DACH2: variants seen among roughly 807,000 people sequenced by gnomAD.
DACH2 encodes the protein dachshund homolog 2.
In DACH2, 17 loss-of-function variants were observed where a neutral mutation model predicts 35.8. The observed-to-expected ratio is 0.48, with a 90% CI of 0.33 to 0.71. DACH2 has a LOEUF of 0.71. Among genes scored for constraint, DACH2 ranks in the 30% least tolerant of loss-of-function variants. The probability of loss-of-function intolerance (pLI) is 0.02; values close to 1 mark genes in which losing one functional copy is unlikely to be tolerated. For missense variants in DACH2, 469 were observed against 472.7 expected (o/e 0.99, Z 0.07); for synonymous variants, 195 against 177.3 (o/e 1.10, Z -0.79).
intron 6 of DACH2, among the ~76,000 whole-genome samples, chrX:86,730,219 C>T (rs1307465770): frequency 2.7e-5 from 3 of 110,818 alleles, no homozygotes; most frequent in Non-Finnish European, 1.9e-5. Context: ...TTATATGATG[C>T]GTAGAATATA....
intron 2 of DACH2, among the ~76,000 whole-genome samples, chrX:86,486,353 C>T (rs779755228): frequency 9.0e-6 from 1 of 110,919 alleles, no homozygotes; most frequent in African/African-American, 3.3e-5. Flanking sequence ...TAATCATTTC[C>T]ATATTTATTT....
At chrX:86,528,888 G>C (rs1437393160) in intron 3 of DACH2, among the ~76,000 whole-genome samples, 2 of 111,926 alleles carry the variant, frequency 1.8e-5, no homozygotes, top group African/African-American at 6.5e-5. Context: ...GACCAAGTCA[G>C]GGTATTCAAG....
intron 1 of DACH2, among the ~76,000 whole-genome samples, chrX:86,210,342 A>G (rs1032551241): frequency 3.6e-5 from 4 of 111,766 alleles, no homozygotes; most frequent in African/African-American, 1.3e-4. Flanking sequence ...TTGTATTAAA[A>G]TGCATGTACT....
intron 6 of DACH2, among the ~76,000 whole-genome samples, chrX:86,735,364 C>T (rs887718495): frequency 9.0e-5 from 10 of 111,532 alleles, no homozygotes; most frequent in African/African-American, 3.2e-4. Context: ...CTGTGTTAAA[C>T]CTTATAAAAA....
At chrX:86,781,729 C>T (rs979879335) in intron 7 of DACH2, among the ~76,000 whole-genome samples, 15 of 111,307 alleles carry the variant, frequency 1.3e-4, no homozygotes, top group African/African-American at 4.9e-4. Flanking sequence ...GCTAGTATCA[C>T]ACTGAAAGGG....
chrX:86,180,018 G>A (rs943392742), intron 1 of DACH2, among the ~76,000 whole-genome samples: 2 of 107,169 alleles, frequency 1.9e-5, no homozygotes, highest in African/African-American at 6.7e-5. Flanking sequence ...GACACTGATT[G>A]TGAAGAGTTT....
At chrX:86,289,963 T>A (rs2034242554) in intron 1 of DACH2, among the ~76,000 whole-genome samples, 1 of 104,277 alleles carries the variant, frequency 9.6e-6, no homozygotes, top group African/African-American at 3.6e-5. Flanking sequence ...GGTCAAATGG[T>A]ATTTCTAGTT....
At chrX:86,464,435 C>T (rs752916491) in intron 2 of DACH2, among the ~76,000 whole-genome samples, 7 of 111,036 alleles carry the variant, frequency 6.3e-5, no homozygotes, top group African/African-American at 1.3e-4. Context: ...AACCAAACAC[C>T]GCATGTTCTC....
At chrX:86,519,464 G>A (rs1009993003) in intron 3 of DACH2, among the ~76,000 whole-genome samples, 2 of 111,552 alleles carry the variant, frequency 1.8e-5, no homozygotes, top group African/African-American at 6.5e-5. Flanking sequence ...AGCTTCAGTA[G>A]GAATAATACC....
At chrX:86,374,817 C>T (rs1209015646) in intron 1 of DACH2, among the ~76,000 whole-genome samples, 1 of 110,242 alleles carries the variant, frequency 9.1e-6, no homozygotes, top group African/African-American at 3.3e-5. Context: ...GGGAACCCAG[C>T]TGATTTTTTT....
intron 1 of DACH2, among the ~76,000 whole-genome samples, chrX:86,268,500 T>G (rs2033752521): frequency 2.0e-5 from 1 of 49,923 alleles, no homozygotes; most frequent in African/African-American, 1.3e-4. Flanking sequence ...ATTTATTTTA[T>G]TTTATTTTAT....
intron 7 of DACH2, among the ~76,000 whole-genome samples, chrX:86,803,257 G>A (rs1187685965): frequency 9.0e-6 from 1 of 111,668 alleles, no homozygotes; most frequent in Non-Finnish European, 1.9e-5. Flanking sequence ...CTATGTGTGT[G>A]GGAGAGAAAG....
intron 1 of DACH2, among the ~76,000 whole-genome samples, chrX:86,151,749 A>C (rs2030375138): frequency 8.9e-6 from 1 of 111,852 alleles, no homozygotes; most frequent in Non-Finnish European, 1.9e-5. Flanking sequence ...TTTTTAAAGA[A>C]AATTGCAAAA....
At chrX:86,193,988 A>C (rs893672046) in intron 1 of DACH2, among the ~76,000 whole-genome samples, 1 of 109,650 alleles carries the variant, frequency 9.1e-6, no homozygotes, top group African/African-American at 3.3e-5. Flanking sequence ...ATTCACGTCA[A>C]CTCTGCTGTT....
rs186924858 is a variant in DACH2, at chrX:86,379,215, T to A, written c.527+2353T>A. ...CCTTTATTTTTACAAATGGTTAAAA[T>A]AAGAAATAAAAGAAATGTAAGCAGT... On this transcript the variant is annotated intron_variant, in intron 2 of 11. Coordinates refer to ENST00000373125, the MANE Select transcript of DACH2 (RefSeq NM_053281.3). Among the ~76,000 whole-genome samples the A allele has an allele frequency of 3.1e-3, 344 of 111,441 alleles. 1 individual carries two copies. Among genetic ancestry groups the A allele is most frequent in the African/African-American group, 0.011 (330 of 30,895 alleles).
intron 6 of DACH2, among the ~76,000 whole-genome samples, chrX:86,737,023 A>T (rs776479920): frequency 1.8e-5 from 2 of 111,738 alleles, no homozygotes; most frequent in East Asian, 5.6e-4. Flanking sequence ...AATTCCTTTT[A>T]TATATATACA....
intron 3 of DACH2, among the ~76,000 whole-genome samples, chrX:86,579,620 CT>C (rs1277522261): frequency 1.8e-5 from 2 of 111,848 alleles, no homozygotes; most frequent in Non-Finnish European, 3.8e-5. Flanking sequence ...TGTTTTTACT[CT>C]CTTAAAAGTG....
chrX:86,441,985 C>G (rs2037171328), intron 2 of DACH2, among the ~76,000 whole-genome samples: 1 of 108,982 alleles, frequency 9.2e-6, no homozygotes, highest in Admixed American at 1.0e-4. Flanking sequence ...CTGCCTCAGC[C>G]TCTTGAGTAA....
intron 1 of DACH2, among the ~76,000 whole-genome samples, chrX:86,336,772 C>A (rs768755865): frequency 5.4e-5 from 6 of 110,202 alleles, no homozygotes; most frequent in African/African-American, 1.6e-4. Context: ...TAATAATAAA[C>A]TCCTCTGAGC....
Sources: gnomAD v4.1 joint callset for allele counts (sites outside exome capture counted in the v4.1 genomes callset) on GRCh38, gnomAD v4.1.1 for gene constraint, MANE v1.5 for transcripts, NCBI Gene and HGNC (gene_info 2026-07-23, HGNC 2026-07-21) for gene names.